The following SLC26A5 variants were observed in gnomAD, a reference collection of about 807,000 sequenced individuals.
The protein encoded by SLC26A5 is solute carrier family 26 member 5.
In SLC26A5, 51 loss-of-function variants were observed where a neutral mutation model predicts 81.0. That is an observed-to-expected ratio of 0.63 (90% CI 0.50 to 0.80). The LOEUF (loss-of-function observed/expected upper bound fraction) is 0.80, where lower values mean the gene tolerates loss of function less well. Among genes scored for constraint, SLC26A5 ranks in the 30% least tolerant of loss-of-function variants. SLC26A5 has a pLI of 0.00. For missense variants in SLC26A5, 771 were observed against 905.8 expected (o/e 0.85, Z 1.91); for synonymous variants, 325 against 332.8 (o/e 0.98, Z 0.25).
At chr7:103,366,144 T>C in intron 19 of SLC26A5, 1 of 1,613,494 alleles carries the variant, frequency 6.2e-7, no homozygotes, top group Non-Finnish European at 8.5e-7. Context: ...TCTTCTTTGA[T>C]GAAATTGATG....
chr7:103,442,463 GT>G (rs1419302941), intron 2 of SLC26A5, among the ~76,000 whole-genome samples: 8 of 152,118 alleles, frequency 5.3e-5, no homozygotes, highest in Admixed American at 4.6e-4. Context: ...GAAAACGATT[GT>G]ATTCTGGAGG....
chr7:103,362,664 A>G (rs757781122), intron 19 of SLC26A5: 13 of 1,574,044 alleles, frequency 8.3e-6, no homozygotes, highest in Non-Finnish European at 1.1e-5. Flanking sequence ...TGTATTAATG[A>G]CTATCTTTTT....
Position 103,397,996 on chromosome 7 carries a change from T to C in SLC26A5, c.907A>G (p.Ile303Val), listed in dbSNP as rs1212765995. Residue 303 changes from isoleucine (I) to valine (V), a missense_variant, in exon 9 of 20, where the codon ATT becomes GTT. By Grantham distance (29) the Ile-to-Val change is conservative. Coordinates refer to ENST00000306312, the MANE Select transcript of SLC26A5 (RefSeq NM_198999.3). ...TCTTTCAAGTTAAACCCAGCTGAAA[T>C]GCCAGTTCCCATTACGACCTAAAAA... The part of the protein sequence containing the change: ...EFFAVVMGTG[I>V]SAGFNLKESY... 6.2e-7 allele frequency: 1 copy of C among 1,613,940 alleles called. No individual in the cohort carries two copies. Among genetic ancestry groups the C allele is most frequent in the African/African-American group, 1.3e-5 (1 of 74,912 alleles).
At position 103,379,241 on chromosome 7, in the gene SLC26A5, A is replaced by C; in HGVS notation, c.1677+2T>G. 1 of 1,600,062 alleles carries C rather than the reference A, an allele frequency of 6.2e-7. No homozygotes were observed. The highest frequency in any genetic ancestry group is 8.6e-7 in the Non-Finnish European group (1 of 1,167,510). ...AGAAATAATCAATTTCTCATGACTCACCTTTCGTTTTAATGCATTGCTATA... is the reference window on the plus strand; with the variant it reads ...AGAAATAATCAATTTCTCATGACTCCCCTTTCGTTTTAATGCATTGCTATA... On this transcript the variant is annotated splice_donor_variant, in intron 16 of 19. Transcript: ENST00000306312. LOFTEE classifies it high-confidence loss of function.
chr7:103,410,970 G>T (rs2116647259), intron 6 of SLC26A5, among the ~76,000 whole-genome samples: 1 of 152,192 alleles, frequency 6.6e-6, no homozygotes, highest in East Asian at 1.9e-4. Context: ...ACCTCAAGTG[G>T]GTAAGTAGCT....
At chr7:103,390,619 A>C in intron 11 of SLC26A5, 113 bp from the exon 12 acceptor site, 2 of 862,842 alleles carry the variant, frequency 2.3e-6, no homozygotes, top group African/African-American at 1.6e-5. Context: ...GAAAATATGG[A>C]TTCAAATAAG....
chr7:103,412,586 G>A lies in SLC26A5; in HGVS notation c.403+416C>T, dbSNP rs886918845. ...TTTTTTTGAGACAGAGTCTCGTTCTGTTGCCCAGGTTGGAGTGCAGTGGTG... is the reference window on the plus strand; with the variant it reads ...TTTTTTTGAGACAGAGTCTCGTTCTATTGCCCAGGTTGGAGTGCAGTGGTG... On this transcript the variant is annotated intron_variant, in intron 5 of 19. Transcript: ENST00000306312. Among the ~76,000 whole-genome samples, 10 of 129,328 alleles carry A rather than the reference G, an allele frequency of 7.7e-5. No individual in the cohort carries two copies. The East Asian group carries it at 2.0e-3, about 26-fold the overall frequency. The allele number at this position is 129,328 out of a possible 152,430, so 84.8% of individuals were successfully genotyped here.
intron 4 of SLC26A5, among the ~76,000 whole-genome samples, chr7:103,417,142 C>T (rs1190334785): frequency 2.0e-5 from 3 of 151,986 alleles, no homozygotes; most frequent in East Asian, 1.9e-4. Flanking sequence ...GAGGCCGAGG[C>T]GGGTGGATCA....
chr7:103,402,352 G>A (rs796847676), intron 8 of SLC26A5, among the ~76,000 whole-genome samples: 4 of 150,280 alleles, frequency 2.7e-5, no homozygotes, highest in Non-Finnish European at 3.0e-5. Flanking sequence ...TTGCATAGAG[G>A]TGTTTATAGT....
intron 19 of SLC26A5, among the ~76,000 whole-genome samples, chr7:103,375,101 CATATATATATAA>C (rs368066727): frequency 9.8e-4 from 143 of 145,584 alleles, no homozygotes; most frequent in Non-Finnish European, 1.9e-3. Context: ...CATATATATA[CATATATATATAA>C]AATGCTGTTT....
intron 19 of SLC26A5, among the ~76,000 whole-genome samples, chr7:103,366,772 T>C (rs1820739456): frequency 6.6e-6 from 1 of 152,216 alleles, no homozygotes; most frequent in Non-Finnish European, 1.5e-5. Flanking sequence ...GCTTCACAGA[T>C]TTGATGAAAT....
downstream of SLC26A5, among the ~76,000 whole-genome samples, chr7:103,371,995 G>A (rs912876834): frequency 2.0e-5 from 3 of 152,136 alleles, no homozygotes; most frequent in African/African-American, 7.2e-5. Flanking sequence ...GCACCTGGCC[G>A]AAGTATTTTA....
At chr7:103,411,793 T>C (rs1427119981) in intron 5 of SLC26A5, among the ~76,000 whole-genome samples, 4 of 152,218 alleles carry the variant, frequency 2.6e-5, no homozygotes, top group Non-Finnish European at 5.9e-5. Flanking sequence ...AAAATAGACA[T>C]AGCAATATCT....
At chr7:103,415,658 A>G (rs1191626735) in intron 4 of SLC26A5, among the ~76,000 whole-genome samples, 1 of 152,184 alleles carries the variant, frequency 6.6e-6, no homozygotes, top group Non-Finnish European at 1.5e-5. Flanking sequence ...TCAATTTTAG[A>G]TGCAAACTTA....
chr7:103,441,117 GAAAGA>G (rs1336512014), intron 2 of SLC26A5, among the ~76,000 whole-genome samples: 2 of 152,194 alleles, frequency 1.3e-5, no homozygotes, highest in Admixed American at 6.5e-5. Context: ...GACTAATCGA[GAAAGA>G]AAAGAGAGAA....
Position 103,367,988 on chromosome 7 carries a change from T to A in SLC26A5, c.2041+8820A>T. 6.2e-7 allele frequency: 1 copy of A among 1,614,060 alleles called. No individual in the cohort carries two copies. Among genetic ancestry groups the A allele is most frequent in the Non-Finnish European group, 8.5e-7 (1 of 1,179,982 alleles). ...CTACCGAGAAGGATTTCTTGGAAGC[T>A]GTAAATAAGGTCATTAAGTCTTATG... On this transcript the variant is annotated intron_variant, in intron 19 of 19. Coordinates refer to the SLC26A5 transcript ENST00000339444. The surrounding 1 kb of genome is among the most constrained non-coding windows in gnomAD (Gnocchi z 6.1).
Position 103,411,415 on chromosome 7 carries a change from C to CTTA in SLC26A5, c.570+2_570+4dup. On this transcript the variant is annotated splice_donor_region_variant and intron_variant, in intron 6 of 19. Transcript: ENST00000306312. ...ACAGTCCATTTCCCCATCTTTGAGC[C>CTTA]TTACCTGAATGATTCCTGAAAGTAA... 2 of 1,614,058 alleles carry CTTA rather than the reference C, an allele frequency of 1.2e-6. No individual in the cohort carries two copies. Among genetic ancestry groups the CTTA allele is most frequent in the Non-Finnish European group, 1.7e-6 (2 of 1,179,966 alleles).
At chr7:103,400,860 C>T (rs1823533762) in intron 8 of SLC26A5, among the ~76,000 whole-genome samples, 1 of 152,132 alleles carries the variant, frequency 6.6e-6, no homozygotes, top group Non-Finnish European at 1.5e-5. Context: ...TGTCAAAGAT[C>T]AGATGGTTGT....
chr7:103,362,797 T>TC, intron 19 of SLC26A5: 2 of 965,068 alleles, frequency 2.1e-6, no homozygotes, highest in Non-Finnish European at 2.9e-6. Flanking sequence ...GCTATGTCTT[T>TC]TTTTTTTTTT....
Sources: gnomAD v4.1 joint callset for allele counts (sites outside exome capture counted in the v4.1 genomes callset) on GRCh38, gnomAD v4.1.1 for gene constraint, Gnocchi (gnomAD v3.1) non-coding constraint, MANE v1.5 for transcripts, NCBI Gene and HGNC (gene_info 2026-07-23, HGNC 2026-07-21) for gene names.